Variants in FAF1 observed in about 807,000 individuals in gnomAD.
FAF1 encodes FAS-associated factor 1.
A neutral mutation model predicts 92.5 loss-of-function variants in FAF1; 25 were observed. The ratio of observed to expected loss-of-function variants is 0.27; its 90% CI spans 0.20 to 0.38. The LOEUF (loss-of-function observed/expected upper bound fraction) is 0.38. Ranked by LOEUF, FAF1 falls within the 10% of genes least tolerant of loss-of-function variation. The probability of loss-of-function intolerance (pLI) is 1.00; values close to 1 mark genes in which losing one functional copy is unlikely to be tolerated. For missense variants in FAF1, 636 were observed against 793.3 expected (o/e 0.80, Z 2.38); for synonymous variants, 234 against 273.2 (o/e 0.86, Z 1.42).
intron 1 of FAF1, among the ~76,000 whole-genome samples, chr1:50,877,583 TATAA>T (rs1644581267): frequency 1.3e-5 from 2 of 152,236 alleles, no homozygotes; most frequent in African/African-American, 4.8e-5. Flanking sequence ...CTAATATAGG[TATAA>T]ATATGTGATG....
At chr1:50,779,769 A>G (rs1470031774) in intron 4 of FAF1, among the ~76,000 whole-genome samples, 3 of 152,016 alleles carry the variant, frequency 2.0e-5, no homozygotes, top group Non-Finnish European at 4.4e-5. Flanking sequence ...TATGGAAACC[A>G]TAGATAATAC....
chr1:50,865,138 T>G (rs189524278), intron 1 of FAF1, among the ~76,000 whole-genome samples: 10,111 of 151,378 alleles, frequency 0.067, 411 homozygotes, highest in East Asian at 0.094. Flanking sequence ...CCACAATGAG[T>G]TACCATCTCA....
chr1:50,731,559 G>A (rs1343056574), intron 6 of FAF1, among the ~76,000 whole-genome samples: 2 of 151,744 alleles, frequency 1.3e-5, no homozygotes, highest in African/African-American at 4.8e-5. Context: ...TAGTAGAGAC[G>A]GGGTTTCACT....
chr1:50,723,020 A>G (rs540232815), intron 6 of FAF1, among the ~76,000 whole-genome samples: 1 of 152,304 alleles, frequency 6.6e-6, no homozygotes, highest in Admixed American at 6.5e-5. Flanking sequence ...AAGGAAGGAC[A>G]CCAAAGACTG....
chr1:50,623,958 GAAGAAGAAGA>G (rs910107913), intron 8 of FAF1, among the ~76,000 whole-genome samples: 3 of 150,860 alleles, frequency 2.0e-5, no homozygotes, highest in African/African-American at 4.9e-5. Flanking sequence ...AAAGAAAGAA[GAAGAAGAAGA>G]AAGAAGAAGA....
chr1:50,844,614 C>G (rs1644282787), intron 2 of FAF1, among the ~76,000 whole-genome samples: 1 of 150,424 alleles, frequency 6.6e-6, no homozygotes, highest in South Asian at 2.1e-4. Context: ...ACAGCAGTGT[C>G]AACATAATGA....
At chr1:50,832,349 C>T (rs1449004759) in intron 2 of FAF1, among the ~76,000 whole-genome samples, 1 of 152,078 alleles carries the variant, frequency 6.6e-6, no homozygotes, top group Non-Finnish European at 1.5e-5. Flanking sequence ...AGTACTGGCA[C>T]AGAATCCAGC....
intron 13 of FAF1, among the ~76,000 whole-genome samples, chr1:50,540,041 G>A (rs568436465): frequency 2.0e-5 from 3 of 151,756 alleles, no homozygotes; most frequent in Admixed American, 6.6e-5. Context: ...TTGTGATCTC[G>A]GCTCACTGAA....
At chr1:50,506,730 A>G (rs1043102076) in intron 15 of FAF1, among the ~76,000 whole-genome samples, 2 of 152,178 alleles carry the variant, frequency 1.3e-5, no homozygotes, top group Non-Finnish European at 2.9e-5. Flanking sequence ...TAATTATTTT[A>G]CACATTATTA....
intron 2 of FAF1, among the ~76,000 whole-genome samples, chr1:50,819,818 T>C (rs1644027153): frequency 7.2e-6 from 1 of 139,144 alleles, no homozygotes; most frequent in Admixed American, 7.6e-5. Context: ...TATATATATA[T>C]AGTATTGTAT....
chr1:50,510,134 C>G (rs1012839997), intron 15 of FAF1, among the ~76,000 whole-genome samples: 1 of 144,610 alleles, frequency 6.9e-6, no homozygotes, highest in Non-Finnish European at 1.5e-5. Context: ...CCACTGCACT[C>G]TAGCCTGGGT....
chr1:50,938,907 T>C (rs559805575), intron 1 of FAF1, among the ~76,000 whole-genome samples: 1 of 152,354 alleles, frequency 6.6e-6, no homozygotes, highest in African/African-American at 2.4e-5. Flanking sequence ...AGTTTTCTAT[T>C]CTGTTCCATT....
At chr1:50,948,395 G>A (rs1645187202) in intron 1 of FAF1, among the ~76,000 whole-genome samples, 1 of 152,158 alleles carries the variant, frequency 6.6e-6, no homozygotes, top group Admixed American at 6.5e-5. Flanking sequence ...GGGCCTCAAG[G>A]AGCTTACAAT....
chr1:50,847,386 T>C (rs541950208), intron 2 of FAF1, among the ~76,000 whole-genome samples: 1 of 145,608 alleles, frequency 6.9e-6, no homozygotes, highest in East Asian at 2.0e-4. Context: ...AGATGGGTAA[T>C]TACAGCAAAA....
chr1:50,743,986 G>C (rs1166921099), intron 5 of FAF1, among the ~76,000 whole-genome samples: 2 of 152,008 alleles, frequency 1.3e-5, no homozygotes. Context: ...CAGGAGAATT[G>C]CTTGAATCCA....
intron 18 of FAF1, among the ~76,000 whole-genome samples, chr1:50,456,629 TTAC>T (rs1646355703): frequency 6.6e-6 from 1 of 152,214 alleles, no homozygotes; most frequent in African/African-American, 2.4e-5. Context: ...TCTAATTTAT[TTAC>T]TACACAAGTA....
At chr1:50,919,516 C>A (rs1161083412) in intron 1 of FAF1, among the ~76,000 whole-genome samples, 3 of 149,066 alleles carry the variant, frequency 2.0e-5, no homozygotes, top group Non-Finnish European at 4.4e-5. Flanking sequence ...GAGACAGAGT[C>A]TCGCTCTGTT....
chr1:50,792,118 T>C (rs896808631), intron 3 of FAF1, among the ~76,000 whole-genome samples: 18 of 152,144 alleles, frequency 1.2e-4, no homozygotes, highest in African/African-American at 4.3e-4. Flanking sequence ...TTGATGGTAA[T>C]AATGACACCA....
chr1:50,591,595 C>T (rs1236284908), intron 9 of FAF1, among the ~76,000 whole-genome samples: 1 of 150,658 alleles, frequency 6.6e-6, no homozygotes, highest in Non-Finnish European at 1.5e-5. Flanking sequence ...ATAGCTTGCA[C>T]CCGAGAGGTG....
Sources: allele counts gnomAD v4.1 joint callset (sites outside exome capture counted in the v4.1 genomes callset), GRCh38; gene constraint gnomAD v4.1.1; transcripts MANE v1.5; gene names NCBI Gene and HGNC (gene_info 2026-07-23, HGNC 2026-07-21).